PDCD1LG2: variants seen among roughly 807,000 people sequenced by gnomAD.
PDCD1LG2 encodes programmed cell death 1 ligand 2.
PDCD1LG2 carries 32 observed loss-of-function variants against 28.2 expected under a neutral mutation model. The ratio of observed to expected loss-of-function variants is 1.13; its 90% CI spans 0.86 to 1.52. The LOEUF (loss-of-function observed/expected upper bound fraction) is 1.52, where lower values mean the gene tolerates loss of function less well. PDCD1LG2 is among the 40% of genes most tolerant of loss of function. The pLI is 0.00. For synonymous variants in PDCD1LG2, 116 were observed against 120.2 expected (o/e 0.97, Z 0.23); for missense variants, 385 against 323.8 (o/e 1.19, Z -1.45).
chr9:5,536,441 T>C (rs1220503054), intron 3 of PDCD1LG2, among the ~76,000 whole-genome samples: 2 of 152,220 alleles, frequency 1.3e-5, no homozygotes, highest in Non-Finnish European at 2.9e-5. Flanking sequence ...TCTATCTTTA[T>C]TGCATTTCCT....
At chr9:5,555,548 A>C (rs1816420841) in intron 4 of PDCD1LG2, among the ~76,000 whole-genome samples, 1 of 152,258 alleles carries the variant, frequency 6.6e-6, no homozygotes, top group Admixed American at 6.5e-5. Flanking sequence ...AAATACAGTG[A>C]GAAGCGAGAC....
intron 5 of PDCD1LG2, among the ~76,000 whole-genome samples, chr9:5,559,958 G>A (rs1816526607): frequency 6.6e-6 from 1 of 152,120 alleles, no homozygotes; most frequent in South Asian, 2.1e-4. Context: ...ATACAATATT[G>A]TCTCTTCTTA....
At chr9:5,561,602 C>T (rs988273960) in intron 5 of PDCD1LG2, among the ~76,000 whole-genome samples, 13 of 152,350 alleles carry the variant, frequency 8.5e-5, no homozygotes, top group African/African-American at 2.6e-4. Context: ...TATACATTGA[C>T]TTGCTGAGCC....
chr9:5,527,793 T>G (rs1275572024), intron 2 of PDCD1LG2, among the ~76,000 whole-genome samples: 1 of 152,072 alleles, frequency 6.6e-6, no homozygotes, highest in Non-Finnish European at 1.5e-5. Context: ...AGAGTTCTAA[T>G]TGTTCCTCAT....
Position 5,515,921 on chromosome 9 carries a change from T to C in PDCD1LG2, c.-15+5118T>C, listed in dbSNP as rs529164467. ...CTGGGTGAGAGAGCAAGACTCCATC[T>C]CAAAAAAAAAAAAAAAAAAAAAAAA... On this transcript the variant is annotated intron_variant, in intron 1 of 6. Coordinates refer to ENST00000397747, the MANE Select transcript of PDCD1LG2 (RefSeq NM_025239.4). 3.3e-3 allele frequency among the ~76,000 whole-genome samples: 23 copies of C among 7,004 alleles called. No individual in the cohort carries two copies. In the Admixed American group the frequency reaches 0.04, roughly 12 times the overall value. The allele number at this position is 7,004 out of a possible 152,430, so 4.6% of individuals were successfully genotyped here. A position where few individuals can be genotyped will look rare whatever the true frequency, so the allele number is the denominator to read the frequency against.
intron 3 of PDCD1LG2, among the ~76,000 whole-genome samples, chr9:5,545,807 C>A (rs1479603227): frequency 6.6e-6 from 1 of 152,184 alleles, no homozygotes; most frequent in Non-Finnish European, 1.5e-5. Context: ...CACCCAGCAA[C>A]TACAGAACAC....
chr9:5,535,139 C>A, intron 3 of PDCD1LG2, 89 bp downstream of exon 3: 2 of 1,170,224 alleles, frequency 1.7e-6, no homozygotes, highest in Non-Finnish European at 2.3e-6. Context: ...GTAGCTCAAG[C>A]AAAAACAAGC....
intron 6 of PDCD1LG2, among the ~76,000 whole-genome samples, chr9:5,568,862 C>T (rs1158539808): frequency 6.6e-6 from 1 of 152,066 alleles, no homozygotes; most frequent in Admixed American, 6.6e-5. Flanking sequence ...ATAAGAGGGA[C>T]AAACAATACA....
intron 3 of PDCD1LG2, among the ~76,000 whole-genome samples, chr9:5,536,384 C>T (rs1820581134): frequency 6.6e-6 from 1 of 152,154 alleles, no homozygotes; most frequent in African/African-American, 2.4e-5. Flanking sequence ...CACACCTCAA[C>T]CATCAATGAG....
intron 6 of PDCD1LG2, 77 bp downstream of exon 6, chr9:5,563,288 C>T: frequency 2.4e-6 from 3 of 1,249,580 alleles, no homozygotes; most frequent in Non-Finnish European, 3.4e-6. Context: ...AACCACTGTT[C>T]TATTAATTCA....
intron 1 of PDCD1LG2, 71 bp from the exon 2 acceptor site, chr9:5,522,462 A>T (rs901389255): frequency 4.9e-6 from 6 of 1,227,702 alleles, no homozygotes; most frequent in African/African-American, 3.0e-5. Context: ...CCCTGTTTTC[A>T]AAAGTGAACA....
At position 5,571,195 on chromosome 9, in the gene PDCD1LG2, C is replaced by A; in HGVS notation, c.*1236C>A. The A allele has an allele frequency of 4.3e-6, 1 of 232,924 alleles. No homozygotes were observed. The highest frequency in any genetic ancestry group is 8.5e-6 in the Non-Finnish European group (1 of 117,830). 14.4% of individuals were successfully genotyped at this position (232,924 alleles called of 1,614,324 possible). On this transcript the variant is annotated 3_prime_UTR_variant, in exon 7 of 7. Transcript: ENST00000397747. ...AGACAAATCATACATCTCAGTTTCT[C>A]AATTCTCATGTAAATCAGAGAATGC...
chr9:5,512,808 C>G (rs1820086691), intron 1 of PDCD1LG2, among the ~76,000 whole-genome samples: 1 of 152,188 alleles, frequency 6.6e-6, no homozygotes, highest in South Asian at 2.1e-4. Flanking sequence ...CTCCCTGCCA[C>G]CCTTCCTCCC....
At chr9:5,536,252 G>A (rs1348792337) in intron 3 of PDCD1LG2, among the ~76,000 whole-genome samples, 2 of 152,176 alleles carry the variant, frequency 1.3e-5, no homozygotes, top group Non-Finnish European at 2.9e-5. Context: ...AAACACACAG[G>A]ATTGTTGTCA....
At chr9:5,563,828 C>A (rs1009704379) in intron 6 of PDCD1LG2, among the ~76,000 whole-genome samples, 3 of 152,188 alleles carry the variant, frequency 2.0e-5, no homozygotes, top group African/African-American at 7.2e-5. Flanking sequence ...AGTCTTGAGG[C>A]AGAATTCCAT....
intron 5 of PDCD1LG2, among the ~76,000 whole-genome samples, chr9:5,559,274 A>C (rs1425419844): frequency 1.3e-5 from 2 of 152,242 alleles, no homozygotes; most frequent in East Asian, 3.8e-4. Flanking sequence ...AATAAGAATT[A>C]AGTGAATAAA....
intron 2 of PDCD1LG2, 100 bp downstream of exon 2, chr9:5,522,701 T>C: frequency 9.8e-7 from 1 of 1,020,296 alleles, no homozygotes; most frequent in East Asian, 2.5e-5. Flanking sequence ...GAGGGCTTTC[T>C]TTGAGAGGAC....
intron 6 of PDCD1LG2, among the ~76,000 whole-genome samples, chr9:5,565,684 C>A (rs1008883465): frequency 1.2e-4 from 19 of 152,200 alleles, no homozygotes; most frequent in Admixed American, 7.8e-4. Flanking sequence ...GTTAATGCAA[C>A]TATATGGTAT....
chr9:5,553,441 A>G lies in PDCD1LG2; in HGVS notation c.631+3837A>G, dbSNP rs575560862. Among the ~76,000 whole-genome samples, 156 of 152,292 alleles carry G rather than the reference A, an allele frequency of 1.0e-3. 1 individual carries two copies. Among genetic ancestry groups the G allele is most frequent in the African/African-American group, 3.4e-3 (143 of 41,556 alleles). Reference sequence around the variant, plus strand: ...TTTCCTGCCTGGTTAAGTGTAGGCCAGTACTTTGGATGAATTGTAGTTTTC... The same window carrying G: ...TTTCCTGCCTGGTTAAGTGTAGGCCGGTACTTTGGATGAATTGTAGTTTTC... On this transcript the variant is annotated intron_variant, in intron 4 of 6. Transcript: ENST00000397747.
Sources: gnomAD v4.1 joint callset for allele counts (sites outside exome capture counted in the v4.1 genomes callset) on GRCh38, gnomAD v4.1.1 for gene constraint, MANE v1.5 for transcripts, NCBI Gene and HGNC (gene_info 2026-07-23, HGNC 2026-07-21) for gene names.